PWWP3A: variants seen among roughly 807,000 people sequenced by gnomAD.
PWWP3A encodes the protein PWWP domain-containing DNA repair factor 3A.
A neutral mutation model predicts 79.0 loss-of-function variants in PWWP3A; 53 were observed. The observed-to-expected ratio is 0.67, with a 90% CI of 0.54 to 0.84. PWWP3A has a LOEUF of 0.84. Ranked by LOEUF, PWWP3A falls within the 40% of genes least tolerant of loss-of-function variation. PWWP3A has a pLI of 0.00. For missense variants in PWWP3A, 973 were observed against 948.0 expected (o/e 1.03, Z -0.35); for synonymous variants, 443 against 394.4 (o/e 1.12, Z -1.46).
chr19:1,369,504 C>T lies in PWWP3A; in HGVS notation c.1499-92C>T. On this transcript the variant is annotated intron_variant, in intron 10 of 13. Transcript: ENST00000591337. The surrounding 1 kb of genome is among the most constrained non-coding windows in gnomAD (Gnocchi z 4.0). ...GGGTTCTGGCCTGGCCTGATTATTT[C>T]CTAAACAGAGACGCCGGGCCAGCCC... 2 of 1,544,620 alleles carry T rather than the reference C, an allele frequency of 1.3e-6. No homozygotes were observed. The highest frequency in any genetic ancestry group is 8.9e-7 in the Non-Finnish European group (1 of 1,118,312).
In PWWP3A at chr19:1,376,653, G is replaced by T; in HGVS notation, c.*77G>T. The T allele has an allele frequency of 7.1e-7, 1 of 1,401,772 alleles. No homozygotes were observed. The highest frequency in any genetic ancestry group is 1.2e-5 in the South Asian group (1 of 83,946). The allele number at this position is 1,401,772 out of a possible 1,614,324, so 86.8% of individuals were successfully genotyped here. On this transcript the variant is annotated 3_prime_UTR_variant, in exon 14 of 14. Transcript: ENST00000591337. ...GTGTGCATGAGCGTGTCTGAAGATG[G>T]GGGGCTCAGGGGGCACGTTTGCGTT...
At chr19:1,376,352 C>A (rs1036274036) in intron 13 of PWWP3A, among the ~76,000 whole-genome samples, 167 bp from the exon 14 acceptor site, 13 of 110,852 alleles carry the variant, frequency 1.2e-4, no homozygotes, top group African/African-American at 4.1e-4. Context: ...GACAGGGTTT[C>A]ACCGTGTTAG....
chr19:1,362,066 GC>G lies in PWWP3A; in HGVS notation c.1112-183del, dbSNP rs376721614. On this transcript the variant is annotated intron_variant, in intron 5 of 13. Coordinates refer to ENST00000591337, the MANE Select transcript of PWWP3A (RefSeq NM_001369789.1). ...TTCCCTCCTTCCCTCCTTCCCTCTT[GC>G]GTTTTTCTTTAAAATGTAGTTTATT... 271 of 414,712 alleles carry G rather than the reference GC, an allele frequency of 6.5e-4. 2 individuals carry two copies. The East Asian group carries it at 9.3e-3, about 14-fold the overall frequency. 25.7% of individuals were successfully genotyped at this position (414,712 alleles called of 1,614,324 possible).
intron 7 of PWWP3A, among the ~76,000 whole-genome samples, chr19:1,365,898 G>A (rs781329394): frequency 2.0e-5 from 3 of 152,222 alleles, no homozygotes; most frequent in East Asian, 1.9e-4. Context: ...AGGTGGCAGC[G>A]CCCTGTAGTC....
chr19:1,360,350 G>C lies in PWWP3A; in HGVS notation c.429G>C (p.Val143=). 3 of 1,614,176 alleles carry C rather than the reference G, an allele frequency of 1.9e-6. No homozygotes were observed. The highest frequency in any genetic ancestry group is 2.5e-6 in the Non-Finnish European group (3 of 1,180,048). Residue 143 remains valine (V), a synonymous_variant, in exon 5 of 14, where the codon GTG becomes GTC. Transcript: ENST00000591337. This position sits in a 1 kb window ranked among gnomAD's most constrained non-coding sequence, Gnocchi z 4.4. ...CCTCATCTCTTCCCCGCGGAGACGT[G>C]TTGGGCAGTTCCAGACCTCACAGGA... ...SNSSSLPRGD[V]LGSSRPHRRR... is the part of the protein sequence containing the mutation.
rs1431467573 is a variant in PWWP3A at position 1,378,345 on chromosome 19, C to T, written c.*1769C>T. 1 of 152,330 alleles carries T rather than the reference C, an allele frequency of 6.6e-6. No individual in the cohort carries two copies. The highest frequency in any genetic ancestry group is 1.5e-5 in the Non-Finnish European group (1 of 68,102). The allele number at this position is 152,330 out of a possible 1,614,324, so 9.4% of individuals were successfully genotyped here. Reference sequence around the variant, plus strand: ...ATCACGCGCCCCTGATGGAACTTTTCTGCTGTTGTGAAGTACTTTTATCCA... The same window carrying T: ...ATCACGCGCCCCTGATGGAACTTTTTTGCTGTTGTGAAGTACTTTTATCCA... On this transcript the variant is annotated 3_prime_UTR_variant, in exon 14 of 14. Coordinates refer to ENST00000591337, the MANE Select transcript of PWWP3A (RefSeq NM_001369789.1).
Position 1,360,927 on chromosome 19 carries a change from T to C in PWWP3A, c.1006T>C (p.Ser336Pro). The C allele has an allele frequency of 6.5e-7, 1 of 1,534,068 alleles. No homozygotes were observed. The highest frequency in any genetic ancestry group is 8.8e-7 in the Non-Finnish European group (1 of 1,139,540). Residue 336 changes from serine (S) to proline (P), a missense_variant, in exon 5 of 14, where the codon TCT becomes CCT. Ser to Pro is a moderately conservative substitution (Grantham distance 74). Transcript: ENST00000591337. The surrounding 1 kb of genome is among the most constrained non-coding windows in gnomAD (Gnocchi z 4.4). ...CGGGCCGGGGCCAGGGCCCAGAGAG[T>C]CTGTGACCCCGCGCAGCACCGCCAG... is the stretch of plus-strand genomic sequence containing the variant. ...SPGPGPGPRE[S>P]VTPRSTARLG...
Position 1,369,673 on chromosome 19 carries a change from A to C in PWWP3A, c.1549+27A>C, listed in dbSNP as rs751405973. ...TAAGTCTACAGGCACATCTTGGAAA[A>C]TGTGGTTTGCCTTTTAGCCCTTTAG... is the stretch of plus-strand genomic sequence containing the variant. On this transcript the variant is annotated intron_variant, in intron 11 of 13. Coordinates refer to ENST00000591337, the MANE Select transcript of PWWP3A (RefSeq NM_001369789.1). The surrounding 1 kb of genome is among the most constrained non-coding windows in gnomAD (Gnocchi z 4.0). The C allele has an allele frequency of 5.0e-6, 8 of 1,613,368 alleles. No individual in the cohort carries two copies. Among genetic ancestry groups the C allele is most frequent in the Non-Finnish European group, 5.9e-6 (7 of 1,179,384 alleles).
In PWWP3A at chr19:1,360,934, C is replaced by G; in HGVS notation, c.1013C>G (p.Thr338Ser). 1 of 1,524,202 alleles carries G rather than the reference C, an allele frequency of 6.6e-7. No individual in the cohort carries two copies. The highest frequency in any genetic ancestry group is 8.8e-7 in the Non-Finnish European group (1 of 1,135,034). The allele number at this position is 1,524,202 out of a possible 1,614,324, so 94.4% of individuals were successfully genotyped here. The change falls in exon 5 of 14, where the codon ACC (threonine) becomes AGC (serine). Residue 338 changes from threonine (T) to serine (S), a missense_variant. Coordinates refer to ENST00000591337, the MANE Select transcript of PWWP3A (RefSeq NM_001369789.1). This position sits in a 1 kb window ranked among gnomAD's most constrained non-coding sequence, Gnocchi z 4.4. The stretch of plus-strand genomic sequence containing the variant: ...GGGCCAGGGCCCAGAGAGTCTGTGA[C>G]CCCGCGCAGCACCGCCAGGCTGGGC... ...GPGPGPRESV[T>S]PRSTARLGPP...
intron 5 of PWWP3A, among the ~76,000 whole-genome samples, chr19:1,361,722 A>T (rs2082018533): frequency 6.6e-6 from 1 of 151,936 alleles, no homozygotes; most frequent in East Asian, 1.9e-4. Context: ...CGCTCTGAAG[A>T]CAAAGTGACC....
At chr19:1,362,831 A>T (rs950218315) in intron 6 of PWWP3A, among the ~76,000 whole-genome samples, 9 of 152,208 alleles carry the variant, frequency 5.9e-5, no homozygotes, top group Non-Finnish European at 1.3e-4. Context: ...ACTAGAGGAA[A>T]ACCTGCCTTT....
chr19:1,366,420 G>C, intron 8 of PWWP3A, 39 bp downstream of exon 8: 14 of 1,576,422 alleles, frequency 8.9e-6, no homozygotes, highest in African/African-American at 1.3e-5. Flanking sequence ...TGGGCCTGAG[G>C]GGCCAGGCCG....
rs956342355 is a variant in PWWP3A at position 1,356,182 on chromosome 19, C to T, written c.-69-142C>T. 8.8e-6 allele frequency: 5 copies of T among 566,800 alleles called. No homozygotes were observed. In the Admixed American group the frequency reaches 1.4e-4, roughly 16 times the overall value. The allele number at this position is 566,800 out of a possible 1,614,324, so 35.1% of individuals were successfully genotyped here. On this transcript the variant is annotated intron_variant, in intron 1 of 13. Transcript: ENST00000591337. ...TTCTGTTTGTCAGTCTGCTTTTTGG[C>T]ATTGAGCATCTCAATGCAAGATTGT...
intron 13 of PWWP3A, among the ~76,000 whole-genome samples, chr19:1,375,148 G>A (rs548517579): frequency 4.4e-4 from 67 of 151,158 alleles, no homozygotes; most frequent in East Asian, 2.3e-3. Flanking sequence ...GCTTGAACCC[G>A]GGAGGTGGAG....
At chr19:1,363,870 T>G (rs1167886553) in intron 6 of PWWP3A, among the ~76,000 whole-genome samples, 3 of 152,200 alleles carry the variant, frequency 2.0e-5, no homozygotes, top group Non-Finnish European at 4.4e-5. Context: ...ACCACGGCAC[T>G]TCCTTCCTTC....
At chr19:1,373,013 G>A (rs2082294383) in intron 12 of PWWP3A, 59 bp from the exon 13 acceptor site, 5 of 1,526,996 alleles carry the variant, frequency 3.3e-6, no homozygotes, top group Non-Finnish European at 2.7e-6. Flanking sequence ...CTTAACCGCA[G>A]GCCACTTGGG....
chr19:1,366,727 G>C (rs950550315), intron 8 of PWWP3A, among the ~76,000 whole-genome samples: 1 of 152,250 alleles, frequency 6.6e-6, no homozygotes, highest in African/African-American at 2.4e-5. Flanking sequence ...CAGCATCCCT[G>C]CGTCCACCTG....
rs773907661 is a variant in PWWP3A at position 1,360,226 on chromosome 19, C to T, written c.305C>T (p.Ser102Leu). ...GCTCTGGACGTTCTGAGCGAGGGCT[C>T]GATTTGGAGTCAAGAAAGCTCTGCA... ...RVALDVLSEG[S>L]IWSQESSAGT... Residue 102 changes from serine to leucine, a missense_variant, in exon 5 of 14, where the codon TCG (serine) becomes TTG (leucine). Ser to Leu is a moderately radical substitution (Grantham distance 145). Transcript: ENST00000591337. This position sits in a 1 kb window ranked among gnomAD's most constrained non-coding sequence, Gnocchi z 4.4. 1.9e-6 allele frequency: 3 copies of T among 1,613,750 alleles called. No homozygotes were observed. Among genetic ancestry groups the T allele is most frequent in the South Asian group, 1.1e-5 (1 of 91,016 alleles).
intron 12 of PWWP3A, chr19:1,371,950 G>C (rs965870566): frequency 6.5e-6 from 1 of 153,296 alleles, no homozygotes; most frequent in Non-Finnish European, 1.4e-5. Flanking sequence ...GACTACAGGC[G>C]CCCGCCACGA....
Sources: gnomAD v4.1 joint callset for allele counts (sites outside exome capture counted in the v4.1 genomes callset) on GRCh38, gnomAD v4.1.1 for gene constraint, Gnocchi (gnomAD v3.1) non-coding constraint, MANE v1.5 for transcripts, NCBI Gene and HGNC (gene_info 2026-07-23, HGNC 2026-07-21) for gene names.